NTRK2: variants seen among roughly 807,000 people sequenced by gnomAD.
NTRK2 encodes the protein neurotrophic receptor tyrosine kinase 2, also known as BDNF/NT-3 growth factors receptor.
In NTRK2, 13 loss-of-function variants were observed where a neutral mutation model predicts 94.5. That is an observed-to-expected ratio of 0.14 (90% CI 0.09 to 0.22). The LOEUF is 0.22. Among genes scored for constraint, NTRK2 ranks in the 10% least tolerant of loss-of-function variants. NTRK2 has a pLI of 1.00. For synonymous variants in NTRK2, 372 were observed against 407.4 expected, an observed-to-expected ratio of 0.91 and a Z score of 1.05; for missense variants, 639 against 1,071.2, an observed-to-expected ratio of 0.60 and a Z score of 5.63.
At chr9:84,944,697 G>C (rs1263864575) in intron 15 of NTRK2, among the ~76,000 whole-genome samples, 1 of 152,210 alleles carries the variant, frequency 6.6e-6, no homozygotes, top group African/African-American at 2.4e-5. Flanking sequence ...CAGTCCTCTG[G>C]GAAGAAGTGG....
In NTRK2 at chr9:84,916,904, A is replaced by G. The variant is rs376266019; in HGVS notation, c.1634-17258A>G. Reference sequence around the variant, plus strand: ...CATCTATTAAGCTTTTATAGAACATAATACATGTGTTCTTGCTCCTACCAT... The same window carrying G: ...CATCTATTAAGCTTTTATAGAACATGATACATGTGTTCTTGCTCCTACCAT... On this transcript the variant is annotated intron_variant, in intron 14 of 18. Coordinates refer to ENST00000277120, the MANE Select transcript of NTRK2 (RefSeq NM_006180.6). 3.5e-4 allele frequency among the ~76,000 whole-genome samples: 53 copies of G among 152,294 alleles called. 1 individual carries two copies. The highest frequency in any genetic ancestry group is 1.3e-3 in the African/African-American group (53 of 41,562).
At chr9:84,955,262 A>G (rs1227294018) in intron 16 of NTRK2, 21 bp from the exon 17 acceptor site, 1 of 1,575,814 alleles carries the variant, frequency 6.3e-7, no homozygotes, top group African/African-American at 1.4e-5. Context: ...CCCCAGCTTC[A>G]TTCTCCATGT....
At chr9:84,969,499 C>T (rs1242757768) in intron 17 of NTRK2, among the ~76,000 whole-genome samples, 1 of 152,190 alleles carries the variant, frequency 6.6e-6, no homozygotes, top group Non-Finnish European at 1.5e-5. Flanking sequence ...AAATATACAG[C>T]ATTACAAAAG....
At chr9:84,811,630 C>T (rs1003939897) in intron 12 of NTRK2, 2 of 1,065,200 alleles carry the variant, frequency 1.9e-6, no homozygotes, top group African/African-American at 3.3e-5. Context: ...GGATAGTCCC[C>T]CCTACAACAT....
At chr9:84,927,368 A>G (rs1359210596) in intron 14 of NTRK2, among the ~76,000 whole-genome samples, 2 of 152,118 alleles carry the variant, frequency 1.3e-5, no homozygotes, top group Non-Finnish European at 2.9e-5. Flanking sequence ...GAATGGAGCA[A>G]AGATGTAAGT....
intron 17 of NTRK2, among the ~76,000 whole-genome samples, chr9:84,960,521 AGGTG>A (rs1329535802): frequency 2.6e-5 from 4 of 152,216 alleles, no homozygotes; most frequent in Admixed American, 2.6e-4. Flanking sequence ...TGAGATAGGT[AGGTG>A]GATGGATGGA....
chr9:84,910,581 A>G (rs1314781262), intron 14 of NTRK2, among the ~76,000 whole-genome samples: 2 of 152,112 alleles, frequency 1.3e-5, no homozygotes, highest in Non-Finnish European at 1.5e-5. Flanking sequence ...CAAAGACCCT[A>G]TTCCAAATAA....
intron 14 of NTRK2, among the ~76,000 whole-genome samples, chr9:84,902,394 C>A (rs2076957887): frequency 6.6e-6 from 1 of 151,968 alleles, no homozygotes. Flanking sequence ...AGTGAGTGTG[C>A]ATCTGTATTT....
chr9:84,714,547 A>G (rs566372514), intron 6 of NTRK2, among the ~76,000 whole-genome samples: 205 of 152,256 alleles, frequency 1.3e-3, no homozygotes, highest in African/African-American at 4.9e-3. Context: ...GTCATGTATT[A>G]ATTTTCTTTT....
intron 15 of NTRK2, among the ~76,000 whole-genome samples, chr9:84,946,045 A>G (rs1297013241): frequency 6.6e-6 from 1 of 152,238 alleles, no homozygotes; most frequent in Non-Finnish European, 1.5e-5. Flanking sequence ...CGAGGCCGTG[A>G]TCTAGAAAAT....
intron 17 of NTRK2, among the ~76,000 whole-genome samples, chr9:85,016,917 G>T (rs945037397): frequency 1.2e-4 from 18 of 152,126 alleles, no homozygotes; most frequent in African/African-American, 4.3e-4. Context: ...ACAGCAAGCA[G>T]AAAATAAATG....
intron 14 of NTRK2, chr9:84,872,146 C>A: frequency 8.0e-7 from 1 of 1,242,614 alleles, no homozygotes; most frequent in South Asian, 2.0e-5. Flanking sequence ...CTCGTTTAGA[C>A]GTGTCTGAAC....
At chr9:84,990,620 T>A (rs1017142448) in intron 17 of NTRK2, among the ~76,000 whole-genome samples, 3 of 152,204 alleles carry the variant, frequency 2.0e-5, no homozygotes, top group Non-Finnish European at 4.4e-5. Context: ...GGTCAGCCTT[T>A]AGAAACTCTC....
chr9:84,672,836 C>A (rs1033085055), intron 2 of NTRK2, among the ~76,000 whole-genome samples: 1 of 152,186 alleles, frequency 6.6e-6, no homozygotes, highest in Non-Finnish European at 1.5e-5. Flanking sequence ...TTATATCTGT[C>A]CTCACAATTG....
At chr9:84,861,194 C>T (rs1463424113) in intron 13 of NTRK2, 107 bp downstream of exon 13, 2 of 888,620 alleles carry the variant, frequency 2.3e-6, no homozygotes, top group Non-Finnish European at 3.6e-6. Context: ...GATTCATTTT[C>T]TGTGTTCCTG....
chr9:84,809,834 A>G (rs1247657251), intron 12 of NTRK2, among the ~76,000 whole-genome samples: 1 of 145,726 alleles, frequency 6.9e-6, no homozygotes, highest in East Asian at 2.1e-4. Flanking sequence ...GTGAGCCGAG[A>G]TCTCACCACT....
chr9:84,765,872 C>T (rs2065978768), intron 12 of NTRK2, among the ~76,000 whole-genome samples: 1 of 151,882 alleles, frequency 6.6e-6, no homozygotes. Flanking sequence ...TTGGTTTCAT[C>T]ATATTATTGT....
Position 85,026,166 on chromosome 9 carries a change from G to A in NTRK2, c.*4729G>A, listed in dbSNP as rs1040230246. 10 of 224,200 alleles carry A rather than the reference G, an allele frequency of 4.5e-5. No individual in the cohort carries two copies. Among genetic ancestry groups the A allele is most frequent in the Non-Finnish European group, 8.0e-5 (9 of 112,866 alleles). The allele number at this position is 224,200 out of a possible 1,614,324, so 13.9% of individuals were successfully genotyped here. A position where few individuals can be genotyped will look rare whatever the true frequency, so the allele number is the denominator to read the frequency against. ...TATATATATATATATCTGTATATGT[G>A]TTGTAGGCAAAACACTGTGAATTTC... is the stretch of plus-strand genomic sequence containing the variant. On this transcript the variant is annotated 3_prime_UTR_variant, in exon 19 of 19. Coordinates refer to ENST00000277120, the MANE Select transcript of NTRK2 (RefSeq NM_006180.6).
chr9:84,924,279 GAA>G (rs1336434178), intron 14 of NTRK2, among the ~76,000 whole-genome samples: 17 of 149,860 alleles, frequency 1.1e-4, no homozygotes, highest in Admixed American at 2.7e-4. Flanking sequence ...AAGAAAGAAA[GAA>G]AGAAAGAAAG....
Sources: allele counts gnomAD v4.1 joint callset (sites outside exome capture counted in the v4.1 genomes callset), GRCh38; gene constraint gnomAD v4.1.1; transcripts MANE v1.5; gene names NCBI Gene and HGNC (gene_info 2026-07-23, HGNC 2026-07-21).